Variants in CNTLN observed in about 807,000 individuals in gnomAD.
CNTLN encodes the protein centlein.
In CNTLN, 212 loss-of-function variants were observed where a neutral mutation model predicts 180.0. The observed-to-expected ratio is 1.18, with a 90% confidence interval of 1.05 to 1.32. CNTLN has a LOEUF of 1.32. CNTLN is among the 40% of genes most tolerant of loss of function. CNTLN has a pLI of 0.00. For missense variants in CNTLN, 2,095 were observed against 1,610.9 expected, an observed-to-expected ratio of 1.30 and a Z score of -5.14; for synonymous variants, 722 against 563.1, an observed-to-expected ratio of 1.28 and a Z score of -3.99.
At chr9:17,482,268 T>A in intron 23 of CNTLN, among the ~76,000 whole-genome samples, 1 of 151,956 alleles carries the variant, frequency 6.6e-6, no homozygotes, top group African/African-American at 2.4e-5. Context: ...GTATAAAGAT[T>A]TAAAAAAGGA....
chr9:17,279,715 A>T (rs1235652167), intron 6 of CNTLN, among the ~76,000 whole-genome samples: 1 of 151,958 alleles, frequency 6.6e-6, no homozygotes, highest in Non-Finnish European at 1.5e-5. Flanking sequence ...TTAAAGGGAT[A>T]GTCCTAATTT....
At chr9:17,293,883 C>T (rs1454036559) in intron 6 of CNTLN, among the ~76,000 whole-genome samples, 12 of 152,062 alleles carry the variant, frequency 7.9e-5, no homozygotes, top group African/African-American at 2.9e-4. Context: ...GGGGGACCTC[C>T]TGATCTGTGG....
chr9:17,482,404 C>T (rs546831709), intron 23 of CNTLN, among the ~76,000 whole-genome samples: 1 of 152,084 alleles, frequency 6.6e-6, no homozygotes, highest in East Asian at 1.9e-4. Flanking sequence ...TAAACTAGAT[C>T]TATAAAGAGA....
intron 12 of CNTLN, among the ~76,000 whole-genome samples, chr9:17,362,336 G>A (rs1274395178): frequency 6.6e-6 from 1 of 152,056 alleles, no homozygotes; most frequent in South Asian, 2.1e-4. Flanking sequence ...ATCATTGTGT[G>A]GTTGAGTGTA....
chr9:17,440,157 C>G (rs1338571361), intron 18 of CNTLN, among the ~76,000 whole-genome samples: 1 of 152,082 alleles, frequency 6.6e-6, no homozygotes, highest in Non-Finnish European at 1.5e-5. Context: ...AACCTTCATA[C>G]AATGCTATGG....
At chr9:17,494,511 G>C (rs1321269131) in intron 25 of CNTLN, among the ~76,000 whole-genome samples, 1 of 151,982 alleles carries the variant, frequency 6.6e-6, no homozygotes, top group African/African-American at 2.4e-5. Context: ...TTCTGATCCT[G>C]TCCCTCCTCC....
intron 2 of CNTLN, among the ~76,000 whole-genome samples, chr9:17,162,243 T>C (rs1819732534): frequency 6.6e-6 from 1 of 152,084 alleles, no homozygotes; most frequent in South Asian, 2.1e-4. Flanking sequence ...GCCTCCTGAG[T>C]AACTGGGACT....
chr9:17,505,406 A>G (rs1833915133), downstream of CNTLN, among the ~76,000 whole-genome samples: 1 of 152,106 alleles, frequency 6.6e-6, no homozygotes, highest in Non-Finnish European at 1.5e-5. Context: ...CAAAAACAAA[A>G]AACTTTACAG....
chr9:17,361,029 T>C (rs1823342427), intron 12 of CNTLN, among the ~76,000 whole-genome samples: 1 of 152,214 alleles, frequency 6.6e-6, no homozygotes, highest in African/African-American at 2.4e-5. Context: ...TGTTAAAATC[T>C]CAGTTTAAAT....
chr9:17,285,409 G>A (rs1300910810), intron 6 of CNTLN, among the ~76,000 whole-genome samples: 1 of 148,420 alleles, frequency 6.7e-6, no homozygotes, highest in African/African-American at 2.5e-5. Flanking sequence ...TATCATTGTT[G>A]GACATTTGGG....
intron 6 of CNTLN, among the ~76,000 whole-genome samples, chr9:17,291,241 AGTGCTAT>A (rs1281486468): frequency 2.0e-5 from 3 of 152,152 alleles, no homozygotes; most frequent in South Asian, 4.1e-4. Context: ...TTTTAGAGTA[AGTGCTAT>A]GTGCTATGTG....
chr9:17,445,698 C>T (rs933579468), intron 18 of CNTLN, among the ~76,000 whole-genome samples: 1 of 152,136 alleles, frequency 6.6e-6, no homozygotes, highest in Non-Finnish European at 1.5e-5. Context: ...AGGTATTGTC[C>T]AAGGTTTCTC....
intron 2 of CNTLN, among the ~76,000 whole-genome samples, chr9:17,190,600 G>A (rs1177356793): frequency 6.6e-6 from 1 of 152,048 alleles, no homozygotes; most frequent in Non-Finnish European, 1.5e-5. Context: ...ACAGATATAG[G>A]TAGTGATCTT....
rs185247899 is a variant in CNTLN at position 17,261,424 on chromosome 9, T to C, written c.850-12309T>C. Among the ~76,000 whole-genome samples the C allele has an allele frequency of 1.5e-3, 222 of 150,072 alleles. 1 individual carries two copies. The highest frequency in any genetic ancestry group is 6.9e-3 in the Middle Eastern group (2 of 290). ...AGATGTACTCCTGGGTATTTTGTTA[T>C]TTTTTGTGGCTATTGTAAATGGGAT... On this transcript the variant is annotated intron_variant, in intron 5 of 25. Coordinates refer to ENST00000380647, the MANE Select transcript of CNTLN (RefSeq NM_017738.4).
intron 7 of CNTLN, chr9:17,299,780 G>T (rs144049685): frequency 1.0e-6 from 1 of 983,210 alleles, no homozygotes; most frequent in Admixed American, 6.2e-5. Context: ...CTAATTAATT[G>T]TTTTCTCTTT....
intron 5 of CNTLN, among the ~76,000 whole-genome samples, chr9:17,267,797 C>T (rs1211185894): frequency 6.6e-6 from 1 of 152,124 alleles, no homozygotes; most frequent in South Asian, 2.1e-4. Flanking sequence ...TTTCATCTTC[C>T]ATCACTGATA....
intron 1 of CNTLN, among the ~76,000 whole-genome samples, chr9:17,137,362 G>A (rs1402723075): frequency 1.3e-5 from 2 of 152,080 alleles, no homozygotes; most frequent in Non-Finnish European, 2.9e-5. Flanking sequence ...TTTGTAAAAA[G>A]CATTTAGGTG....
rs1224252917 is a variant in CNTLN, at chr9:17,135,124, C to T, written c.59C>T (p.Pro20Leu). ...HPSPPARQLGPRSPRVGRGAE... is the reference protein window; with the variant it reads ...HPSPPARQLGLRSPRVGRGAE... ...TCGCCCCCAGCGCGACAGCTGGGCC[C>T]CAGGTCCCCACGTGTTGGGCGGGGA... Residue 20 changes from proline (P) to leucine (L), a missense_variant, in exon 1 of 26, where the codon CCC becomes CTC. By Grantham distance (98) the Pro-to-Leu change is moderately conservative. Coordinates refer to ENST00000380647, the MANE Select transcript of CNTLN (RefSeq NM_017738.4). The T allele has an allele frequency of 4.4e-6, 7 of 1,606,848 alleles. No individual in the cohort carries two copies. The African/African-American group carries it at 8.0e-5, about 18-fold the overall frequency.
chr9:17,344,445 A>C (rs2133233035), intron 12 of CNTLN, among the ~76,000 whole-genome samples: 1 of 152,264 alleles, frequency 6.6e-6, no homozygotes, highest in East Asian at 1.9e-4. Context: ...ACTTTAACGT[A>C]AGCTTTTTTG....
Sources: gnomAD v4.1 joint callset for allele counts (sites outside exome capture counted in the v4.1 genomes callset) on GRCh38, gnomAD v4.1.1 for gene constraint, MANE v1.5 for transcripts, NCBI Gene and HGNC (gene_info 2026-07-23, HGNC 2026-07-21) for gene names.